The following OTOGL variants were observed in gnomAD, a reference collection of about 807,000 sequenced individuals.
OTOGL encodes otogelin-like protein.
OTOGL carries 285 observed loss-of-function variants against 318.5 expected under a neutral mutation model. That is an observed-to-expected ratio of 0.89 (90% CI 0.81 to 0.99). The LOEUF is 0.99. Among genes scored for constraint, OTOGL ranks in the 50% least tolerant of loss-of-function variants. The pLI is 0.00. For missense variants in OTOGL, 2,899 were observed against 2,845.6 expected (o/e 1.02, Z -0.43); for synonymous variants, 987 against 936.5 (o/e 1.05, Z -0.99).
At chr12:80,200,004 T>G (rs1436330380) in intron 1 of OTOGL, among the ~76,000 whole-genome samples, 1 of 152,192 alleles carries the variant, frequency 6.6e-6, no homozygotes, top group African/African-American at 2.4e-5. Context: ...TCCTTCCCAC[T>G]GAGCTCTATA....
At chr12:80,111,883 G>A (rs1869862086) in intron 1 of OTOGL, among the ~76,000 whole-genome samples, 1 of 152,140 alleles carries the variant, frequency 6.6e-6, no homozygotes, top group African/African-American at 2.4e-5. Flanking sequence ...CCATGAGCAT[G>A]GAATGTTTTT....
intron 11 of OTOGL, among the ~76,000 whole-genome samples, chr12:80,250,162 T>C (rs1315755068): frequency 1.3e-5 from 2 of 152,222 alleles, no homozygotes; most frequent in Non-Finnish European, 2.9e-5. Flanking sequence ...ACCGGAGCTG[T>C]TCCTATTCGG....
chr12:80,327,053 C>A (rs1418471859), intron 35 of OTOGL, among the ~76,000 whole-genome samples: 1 of 152,024 alleles, frequency 6.6e-6, no homozygotes, highest in African/African-American at 2.4e-5. Flanking sequence ...ATGAGCAAGC[C>A]TTTTTATAAC....
intron 19 of OTOGL, among the ~76,000 whole-genome samples, chr12:80,263,766 A>T (rs952090831): frequency 6.6e-6 from 1 of 152,022 alleles, no homozygotes; most frequent in Non-Finnish European, 1.5e-5. Context: ...AAAGTCAATA[A>T]CTCTGATCTA....
At chr12:80,279,650 A>G (rs1028271438) in intron 26 of OTOGL, among the ~76,000 whole-genome samples, 15 of 151,884 alleles carry the variant, frequency 9.9e-5, no homozygotes, top group Middle Eastern at 3.4e-3. Context: ...GTAATATTCC[A>G]TGGTGTATAT....
At chr12:80,142,712 T>A (rs1333450014) in intron 1 of OTOGL, among the ~76,000 whole-genome samples, 1 of 152,162 alleles carries the variant, frequency 6.6e-6, no homozygotes, top group Non-Finnish European at 1.5e-5. Flanking sequence ...CTATCCCCAC[T>A]GCTTTGGTTG....
intron 7 of OTOGL, 148 bp from the exon 8 acceptor site, chr12:80,229,109 T>G: frequency 1.1e-6 from 1 of 932,140 alleles, no homozygotes; most frequent in Non-Finnish European, 1.5e-6. Flanking sequence ...AAATATTTCT[T>G]TTCTCTCAGA....
At chr12:80,155,316 A>G (rs752365832) in intron 1 of OTOGL, among the ~76,000 whole-genome samples, 1 of 152,114 alleles carries the variant, frequency 6.6e-6, no homozygotes, top group African/African-American at 2.4e-5. Context: ...TCTTGCATGG[A>G]TCATGCCTTT....
intron 11 of OTOGL, among the ~76,000 whole-genome samples, chr12:80,244,518 G>A (rs1406477358): frequency 2.7e-5 from 4 of 149,140 alleles, no homozygotes; most frequent in Non-Finnish European, 4.4e-5. Flanking sequence ...CTTTATGGCT[G>A]CATAGTATTC....
intron 11 of OTOGL, among the ~76,000 whole-genome samples, chr12:80,243,725 T>C (rs1419543155): frequency 6.6e-6 from 1 of 150,662 alleles, no homozygotes; most frequent in Non-Finnish European, 1.5e-5. Context: ...TAATTTGAAA[T>C]GACAAAATGT....
intron 26 of OTOGL, among the ~76,000 whole-genome samples, chr12:80,290,587 A>G (rs1181944691): frequency 6.6e-6 from 1 of 152,148 alleles, no homozygotes; most frequent in East Asian, 1.9e-4. Context: ...TGGATATATC[A>G]TTACTGTTAA....
At chr12:80,236,262 C>A (rs1476167658) in intron 9 of OTOGL, among the ~76,000 whole-genome samples, 1 of 152,168 alleles carries the variant, frequency 6.6e-6, no homozygotes, top group East Asian at 1.9e-4. Flanking sequence ...GGTCTACTTT[C>A]ATTTTTTTCC....
At chr12:80,319,078 G>A (rs1185663112) in intron 33 of OTOGL, among the ~76,000 whole-genome samples, 3 of 152,168 alleles carry the variant, frequency 2.0e-5, no homozygotes, top group African/African-American at 4.8e-5. Context: ...AAAGCAAATT[G>A]TGAATTGATA....
chr12:80,169,944 T>G (rs370120860), intron 1 of OTOGL, among the ~76,000 whole-genome samples: 10 of 152,222 alleles, frequency 6.6e-5, no homozygotes, highest in East Asian at 5.8e-4. Context: ...AATTTGGAAA[T>G]TATGAATAAT....
intron 1 of OTOGL, among the ~76,000 whole-genome samples, chr12:80,149,384 G>C (rs1395112383): frequency 6.6e-6 from 1 of 151,638 alleles, no homozygotes; most frequent in Admixed American, 6.6e-5. Flanking sequence ...GGGGCCAGGG[G>C]TCAGGGGTCA....
At position 80,345,971 on chromosome 12, in the gene OTOGL, A is replaced by G. The variant is rs147482591; in HGVS notation, c.5265+3809A>G. On this transcript the variant is annotated intron_variant, in intron 44 of 58. Coordinates refer to ENST00000547103, the MANE Select transcript of OTOGL (RefSeq NM_001378609.3). ...GAAAATGCATTTTCTTTTTACCCAC[A>G]TAGTTCTTGGATATTGCAAAACGGA... is the stretch of plus-strand genomic sequence containing the variant. 1.3e-3 allele frequency among the ~76,000 whole-genome samples: 199 copies of G among 152,322 alleles called. 1 individual carries two copies. The highest frequency in any genetic ancestry group is 3.4e-3 in the Middle Eastern group (1 of 294).
intron 28 of OTOGL, among the ~76,000 whole-genome samples, chr12:80,304,943 T>A (rs1207443924): frequency 6.6e-6 from 1 of 152,216 alleles, no homozygotes; most frequent in African/African-American, 2.4e-5. Flanking sequence ...TAGAATTACA[T>A]CTGCCATAGC....
intron 35 of OTOGL, among the ~76,000 whole-genome samples, chr12:80,327,037 A>T (rs1887718320): frequency 6.6e-6 from 1 of 152,216 alleles, no homozygotes; most frequent in Admixed American, 6.5e-5. Flanking sequence ...TATATTCTAG[A>T]GGCAGATGAG....
chr12:80,224,261 T>C (rs1225072612), intron 7 of OTOGL, among the ~76,000 whole-genome samples: 2 of 152,098 alleles, frequency 1.3e-5, no homozygotes, highest in Admixed American at 1.3e-4. Context: ...TATTTCTGGA[T>C]TCTCTGTTGT....
Sources: gnomAD v4.1 joint callset for allele counts (sites outside exome capture counted in the v4.1 genomes callset) on GRCh38, gnomAD v4.1.1 for gene constraint, MANE v1.5 for transcripts, NCBI Gene and HGNC (gene_info 2026-07-23, HGNC 2026-07-21) for gene names.